Variants in CAPN7 observed in about 807,000 individuals in gnomAD.
CAPN7 encodes the protein calpain-7.
Under a neutral mutation model 115.2 loss-of-function variants are expected in CAPN7, and 72 were observed. That is an observed-to-expected ratio of 0.63 (90% CI 0.52 to 0.76). The LOEUF is 0.76. CAPN7 is among the 30% of genes least tolerant of loss of function. The pLI, the probability that CAPN7 is intolerant of heterozygous loss-of-function variation, is 0.00. For missense variants in CAPN7, 905 were observed against 971.5 expected (o/e 0.93, Z 0.91); for synonymous variants, 344 against 322.3 (o/e 1.07, Z -0.72).
At chr3:15,225,355 G>C (rs1694250739) in intron 6 of CAPN7, among the ~76,000 whole-genome samples, 1 of 152,168 alleles carries the variant, frequency 6.6e-6, no homozygotes, top group South Asian at 2.1e-4. Context: ...TTATAATTGT[G>C]AAAATGAATC....
chr3:15,244,574 A>T (rs1374741265), intron 16 of CAPN7, among the ~76,000 whole-genome samples: 2 of 152,198 alleles, frequency 1.3e-5, no homozygotes, highest in African/African-American at 4.8e-5. Flanking sequence ...TTTGTTTGAG[A>T]TACCAAAATA....
In CAPN7 at chr3:15,208,474, T is replaced by G. The variant is rs940485008; in HGVS notation, c.102+1877T>G. On this transcript the variant is annotated intron_variant, in intron 1 of 20. Transcript: ENST00000253693. The stretch of plus-strand genomic sequence containing the variant: ...GCTAATTTTTTTTTTTTTTTTTTTT[T>G]TGTGTAGAAATGGAGTCTCGCTGTG... Among the ~76,000 whole-genome samples, 38 of 149,862 alleles carry G rather than the reference T, an allele frequency of 2.5e-4. No individual in the cohort carries two copies. The East Asian group carries it at 2.7e-3, about 11-fold the overall frequency.
At chr3:15,229,559 T>TCC (rs1559398862) in intron 8 of CAPN7, among the ~76,000 whole-genome samples, 1 of 120,850 alleles carries the variant, frequency 8.3e-6, no homozygotes, top group African/African-American at 5.0e-5. Flanking sequence ...TTTACTTTTT[T>TCC]TCTTTTTTTT....
chr3:15,222,613 C>T (rs530353226), intron 5 of CAPN7, among the ~76,000 whole-genome samples: 22 of 152,144 alleles, frequency 1.4e-4, no homozygotes, highest in Non-Finnish European at 3.1e-4. Context: ...CAATACAGGA[C>T]AAAGAAGGGT....
intron 11 of CAPN7, among the ~76,000 whole-genome samples, chr3:15,234,357 G>T (rs1008478104): frequency 6.6e-6 from 1 of 152,032 alleles, no homozygotes; most frequent in African/African-American, 2.4e-5. Context: ...AAAACATCAT[G>T]CCTGATTTAG....
Position 15,206,529 on chromosome 3 carries a change from C to G in CAPN7, c.34C>G (p.Gln12Glu), listed in dbSNP as rs867654569. 6.4e-7 allele frequency: 1 copy of G among 1,555,770 alleles called. No individual in the cohort carries two copies. The highest frequency in any genetic ancestry group is 1.2e-5 in the South Asian group (1 of 84,284). The change falls in exon 1 of 21, where the codon CAG becomes GAG. Residue 12 changes from glutamine to glutamate, a missense_variant. Coordinates refer to ENST00000253693, the MANE Select transcript of CAPN7 (RefSeq NM_014296.3). ...CACAGCACTGGAGCGGGACGCTGTG[C>G]AGTTCGCCCGTCTGGCGGTTCAGCG... The part of the protein sequence containing the change: ...DATALERDAV[Q>E]FARLAVQRDH...
intron 19 of CAPN7, among the ~76,000 whole-genome samples, chr3:15,249,608 C>G (rs1042585550): frequency 6.9e-6 from 1 of 145,610 alleles, no homozygotes; most frequent in African/African-American, 2.8e-5. Flanking sequence ...GAGTTTTTTT[C>G]TAAATTTTTT....
intron 6 of CAPN7, among the ~76,000 whole-genome samples, chr3:15,225,014 C>A (rs1248454058): frequency 6.6e-6 from 1 of 152,128 alleles, no homozygotes; most frequent in Non-Finnish European, 1.5e-5. Flanking sequence ...CCTTGTGTAA[C>A]ACCGGGCAAG....
At chr3:15,249,029 AAC>A in intron 19 of CAPN7, among the ~76,000 whole-genome samples, 2 of 151,112 alleles carry the variant, frequency 1.3e-5, no homozygotes, top group Admixed American at 6.6e-5. Flanking sequence ...AAAAAACAAA[AAC>A]AGAATACAAA....
Position 15,235,114 on chromosome 3 carries a change from C to T in CAPN7, c.1376C>T (p.Ala459Val). Residue 459 changes from alanine (A) to valine (V), a missense_variant, in exon 12 of 21, where the codon GCA (alanine) becomes GTA (valine). This residue lies in a region of CAPN7 where 620 missense variants were observed against 703.4 expected (regional missense o/e 0.88). Coordinates refer to ENST00000253693, the MANE Select transcript of CAPN7 (RefSeq NM_014296.3). Reference sequence around the variant, plus strand: ...AAGTGGGGTCTGGTTCCCACACACGCATATGCTGTTTTGGATATTAGAGAG... The same window carrying T: ...AAGTGGGGTCTGGTTCCCACACACGTATATGCTGTTTTGGATATTAGAGAG... ...GEKWGLVPTH[A>V]YAVLDIREFK... 6.2e-7 allele frequency: 1 copy of T among 1,612,574 alleles called. No homozygotes were observed. The highest frequency in any genetic ancestry group is 8.5e-7 in the Non-Finnish European group (1 of 1,179,450).
At chr3:15,244,164 T>TA (rs1188969872) in intron 16 of CAPN7, among the ~76,000 whole-genome samples, 1 of 152,188 alleles carries the variant, frequency 6.6e-6, no homozygotes, top group Non-Finnish European at 1.5e-5. Context: ...GTTTAAGTCT[T>TA]ACTTTGTTTA....
chr3:15,247,294 T>A (rs2125013007), intron 18 of CAPN7, 33 bp from the exon 19 acceptor site: 1 of 1,445,786 alleles, frequency 6.9e-7, no homozygotes, highest in Middle Eastern at 1.8e-4. Context: ...GGAAATGAAA[T>A]TTTGTTAATA....
intron 19 of CAPN7, 117 bp downstream of exon 19, chr3:15,247,574 C>A: frequency 2.8e-6 from 2 of 716,174 alleles, no homozygotes; most frequent in Non-Finnish European, 4.4e-6. Flanking sequence ...ATAACAATGG[C>A]ATTATAGTGG....
Position 15,230,405 on chromosome 3 carries a change from A to G in CAPN7, c.939-37A>G. The G allele has an allele frequency of 2.3e-6, 3 of 1,326,794 alleles. No individual in the cohort carries two copies. The East Asian group carries it at 6.9e-5, about 31-fold the overall frequency. 82.2% of individuals were successfully genotyped at this position (1,326,794 alleles called of 1,614,324 possible). A position where few individuals can be genotyped will look rare whatever the true frequency, so the allele number is the denominator to read the frequency against. ...TGTATAGTAGTTGATATTGAATACT[A>G]ATGTTGGTATTTTAATATTTATTTT... On this transcript the variant is annotated intron_variant, in intron 8 of 20. Transcript: ENST00000253693.
In CAPN7 at chr3:15,247,439, T is replaced by G; in HGVS notation, c.2186T>G (p.Ile729Ser). Reference sequence around the variant, plus strand: ...ATAGAAAAGACTGGGCCGTTACTGATTGAGCTACGAGGACCAAGGTTTGTG... The same window carrying G: ...ATAGAAAAGACTGGGCCGTTACTGAGTGAGCTACGAGGACCAAGGTTTGTG... ...FHIEKTGPLL[I>S]ELRGPRQYSV... The change falls in exon 19 of 21, where the codon ATT (isoleucine) becomes AGT (serine). Residue 729 changes from isoleucine (I) to serine (S), a missense_variant. Physicochemically the swap from Ile to Ser is moderately radical, Grantham distance 142. Around this residue, in one of 3 missense-constraint regions of CAPN7, gnomAD observed 620 missense variants for 703.4 expected, o/e 0.88. Coordinates refer to ENST00000253693, the MANE Select transcript of CAPN7 (RefSeq NM_014296.3). 6.2e-7 allele frequency: 1 copy of G among 1,601,870 alleles called. No individual in the cohort carries two copies. Among genetic ancestry groups the G allele is most frequent in the South Asian group, 1.1e-5 (1 of 88,052 alleles).
intron 16 of CAPN7, among the ~76,000 whole-genome samples, chr3:15,242,948 T>C (rs961605663): frequency 6.6e-6 from 1 of 152,190 alleles, no homozygotes; most frequent in East Asian, 1.9e-4. Context: ...TCTGCTTTCA[T>C]AGAGTTTATG....
chr3:15,236,892 G>A (rs1032783513), intron 12 of CAPN7, among the ~76,000 whole-genome samples: 1 of 152,176 alleles, frequency 6.6e-6, no homozygotes, highest in African/African-American at 2.4e-5. Flanking sequence ...GTGAGTGAGT[G>A]GTGAGTGAAT....
chr3:15,234,519 T>A (rs759322097), intron 11 of CAPN7, among the ~76,000 whole-genome samples: 5 of 152,228 alleles, frequency 3.3e-5, no homozygotes, highest in Admixed American at 3.3e-4. Context: ...AATATTAGAA[T>A]ATGTAATATA....
intron 12 of CAPN7, among the ~76,000 whole-genome samples, chr3:15,239,564 G>GTA (rs1198098404): frequency 2.0e-5 from 3 of 152,206 alleles, no homozygotes; most frequent in African/African-American, 7.2e-5. Flanking sequence ...GTAGGAAACA[G>GTA]TATAAGATAG....
Sources: allele counts gnomAD v4.1 joint callset (sites outside exome capture counted in the v4.1 genomes callset), GRCh38; gene constraint gnomAD v4.1.1; regional missense constraint gnomAD v4.1.1; transcripts MANE v1.5; gene names NCBI Gene and HGNC (gene_info 2026-07-23, HGNC 2026-07-21).